The following ROBO1 variants were observed in gnomAD, a reference collection of about 807,000 sequenced individuals.
ROBO1 encodes roundabout homolog 1.
Under a neutral mutation model 195.9 loss-of-function variants are expected in ROBO1, and 149 were observed. The observed-to-expected ratio is 0.76, with a 90% CI of 0.67 to 0.87. The LOEUF (loss-of-function observed/expected upper bound fraction) is 0.87. Among genes scored for constraint, ROBO1 ranks in the 40% least tolerant of loss-of-function variants. The pLI is 0.00. For synonymous variants in ROBO1, 816 were observed against 733.2 expected (o/e 1.11, Z -1.82); for missense variants, 1,933 against 2,068.3 (o/e 0.93, Z 1.27).
rs1329932675 is a variant in ROBO1, at chr3:78,999,955, T to A, written c.173-61028A>T. On this transcript the variant is annotated intron_variant, in intron 3 of 30. Transcript: ENST00000464233. ...CCCTAGTAGGAAGTACATTTTCCCT[T>A]CTTGCACTTCTATTACCATGTGGGT... 2.6e-5 allele frequency among the ~76,000 whole-genome samples: 4 copies of A among 152,284 alleles called. No individual in the cohort carries two copies. The East Asian group carries it at 7.7e-4, about 29-fold the overall frequency.
At chr3:78,788,980 A>C (rs2083935586) in intron 4 of ROBO1, among the ~76,000 whole-genome samples, 1 of 152,202 alleles carries the variant, frequency 6.6e-6, no homozygotes, top group South Asian at 2.1e-4. Flanking sequence ...TAAGAGTAAA[A>C]GAATTATGAA....
At chr3:79,053,289 A>C (rs2078738746) in intron 3 of ROBO1, among the ~76,000 whole-genome samples, 1 of 148,204 alleles carries the variant, frequency 6.7e-6, no homozygotes, top group African/African-American at 2.5e-5. Flanking sequence ...CCCTTCATCT[A>C]CTCCTCCCCC....
intron 2 of ROBO1, among the ~76,000 whole-genome samples, chr3:79,522,198 C>T (rs1439248448): frequency 2.0e-5 from 3 of 152,006 alleles, no homozygotes; most frequent in African/African-American, 7.3e-5. Context: ...AATTGTATTG[C>T]TACAATGGAA....
intron 2 of ROBO1, among the ~76,000 whole-genome samples, chr3:79,353,764 G>A (rs1197166650): frequency 1.3e-5 from 2 of 152,164 alleles, no homozygotes; most frequent in Admixed American, 6.5e-5. Flanking sequence ...GTTATTGCAG[G>A]CCAGGCGCAG....
chr3:78,896,294 G>A (rs1420634810), intron 4 of ROBO1, among the ~76,000 whole-genome samples: 1 of 152,058 alleles, frequency 6.6e-6, no homozygotes, highest in Non-Finnish European at 1.5e-5. Context: ...AACAAGCTAA[G>A]CCATCATATC....
intron 2 of ROBO1, among the ~76,000 whole-genome samples, chr3:79,210,074 A>C (rs1321313788): frequency 6.6e-6 from 1 of 152,194 alleles, no homozygotes; most frequent in Non-Finnish European, 1.5e-5. Flanking sequence ...AAACAAATGG[A>C]AACACATCCC....
At chr3:79,434,175 A>G (rs1406491161) in intron 2 of ROBO1, among the ~76,000 whole-genome samples, 3 of 152,244 alleles carry the variant, frequency 2.0e-5, no homozygotes, top group African/African-American at 7.2e-5. Context: ...TCATGTCTAA[A>G]ACACCAAAAG....
At chr3:79,036,872 C>T (rs979918552) in intron 3 of ROBO1, among the ~76,000 whole-genome samples, 3 of 152,036 alleles carry the variant, frequency 2.0e-5, no homozygotes, top group African/African-American at 4.8e-5. Flanking sequence ...TTAAAAAGTC[C>T]TGTGGGATTG....
chr3:79,495,959 T>C (rs1002631840), intron 2 of ROBO1, among the ~76,000 whole-genome samples: 1 of 152,124 alleles, frequency 6.6e-6, no homozygotes, highest in Admixed American at 6.5e-5. Context: ...ACACCTGTAA[T>C]ACCAGCACTT....
At chr3:79,528,275 G>A (rs1941516786) in intron 2 of ROBO1, among the ~76,000 whole-genome samples, 2 of 152,102 alleles carry the variant, frequency 1.3e-5, no homozygotes, top group African/African-American at 4.8e-5. Context: ...GACATCTCTT[G>A]CTCTTTCCTT....
chr3:78,853,589 A>G (rs990352438), intron 4 of ROBO1, among the ~76,000 whole-genome samples: 2 of 151,864 alleles, frequency 1.3e-5, no homozygotes, highest in African/African-American at 4.8e-5. Flanking sequence ...CTATAAAGGT[A>G]TTTTTTAGAT....
At chr3:79,604,612 C>G (rs927850941) in intron 1 of ROBO1, among the ~76,000 whole-genome samples, 14 of 151,880 alleles carry the variant, frequency 9.2e-5, no homozygotes, top group African/African-American at 3.4e-4. Flanking sequence ...AGAATTATAT[C>G]AAAGATTAGA....
At chr3:78,934,634 T>G (rs1363759743) in intron 4 of ROBO1, among the ~76,000 whole-genome samples, 1 of 151,968 alleles carries the variant, frequency 6.6e-6, no homozygotes, top group Admixed American at 6.6e-5. Flanking sequence ...AAGGAGTTAG[T>G]TCTAAGCTAC....
chr3:79,582,544 C>A (rs891459910), intron 2 of ROBO1, among the ~76,000 whole-genome samples: 3 of 151,884 alleles, frequency 2.0e-5, no homozygotes, highest in African/African-American at 7.2e-5. Flanking sequence ...GAGAAACTTG[C>A]AACAGTCAGT....
intron 21 of ROBO1, 66 bp downstream of exon 21, chr3:78,646,082 C>T: frequency 7.4e-7 from 1 of 1,357,670 alleles, no homozygotes; most frequent in Non-Finnish European, 1.0e-6. Context: ...AAAGTGGTGT[C>T]ATTGAGGAAG....
At chr3:79,206,305 T>C (rs1335736124) in intron 2 of ROBO1, among the ~76,000 whole-genome samples, 1 of 152,206 alleles carries the variant, frequency 6.6e-6, no homozygotes. Flanking sequence ...CTATTTGGCA[T>C]ATCCAAATTG....
intron 4 of ROBO1, among the ~76,000 whole-genome samples, chr3:78,851,069 C>A (rs1181283046): frequency 6.6e-6 from 1 of 152,044 alleles, no homozygotes; most frequent in Non-Finnish European, 1.5e-5. Context: ...CTCGGCCTCC[C>A]AAAGCTGGGA....
chr3:79,601,267 T>C (rs1944331143), intron 1 of ROBO1, among the ~76,000 whole-genome samples: 1 of 151,958 alleles, frequency 6.6e-6, no homozygotes, highest in Non-Finnish European at 1.5e-5. Context: ...CAATAGATGG[T>C]TTCATTCGGA....
chr3:78,656,980 C>G, intron 18 of ROBO1, 118 bp downstream of exon 18: 1 of 924,966 alleles, frequency 1.1e-6, no homozygotes, highest in Non-Finnish European at 1.6e-6. Flanking sequence ...TAGCTCTAAG[C>G]CATATTCCAT....
Sources: allele counts gnomAD v4.1 joint callset (sites outside exome capture counted in the v4.1 genomes callset), GRCh38; gene constraint gnomAD v4.1.1; transcripts MANE v1.5; gene names NCBI Gene and HGNC (gene_info 2026-07-23, HGNC 2026-07-21).